Variants in CSMD1 observed in about 807,000 individuals in gnomAD.
CSMD1 encodes CUB and Sushi multiple domains 1.
Under a neutral mutation model 417.5 loss-of-function variants are expected in CSMD1, and 213 were observed. That is an observed-to-expected ratio of 0.51 (90% confidence interval 0.46 to 0.57). CSMD1 has a LOEUF of 0.57. CSMD1 is among the 20% of genes least tolerant of loss of function. CSMD1 has a pLI of 0.00. For missense variants in CSMD1, 6,923 were observed against 4,529.7 expected (o/e 1.53, Z -15.17); for synonymous variants, 2,862 against 1,736.8 (o/e 1.65, Z -16.11).
At chr8:4,740,583 G>C (rs1219441244) in intron 1 of CSMD1, among the ~76,000 whole-genome samples, 1 of 152,150 alleles carries the variant, frequency 6.6e-6, no homozygotes, top group African/African-American at 2.4e-5. Context: ...TATGGTCTCA[G>C]ATAGCGTAAC....
chr8:3,355,230 G>C (rs868284134), intron 21 of CSMD1, among the ~76,000 whole-genome samples: 22 of 151,670 alleles, frequency 1.5e-4, no homozygotes, highest in African/African-American at 5.3e-4. Context: ...ACGGATTTAA[G>C]GCTTATGCTG....
chr8:4,223,521 C>A (rs1258477476), intron 3 of CSMD1, among the ~76,000 whole-genome samples: 1 of 152,194 alleles, frequency 6.6e-6, no homozygotes, highest in East Asian at 1.9e-4. Context: ...TCTACCACAC[C>A]ACTGCTCGTT....
At chr8:3,380,178 A>T (rs1810548349) in intron 18 of CSMD1, among the ~76,000 whole-genome samples, 1 of 152,324 alleles carries the variant, frequency 6.6e-6, no homozygotes, top group Non-Finnish European at 1.5e-5. Flanking sequence ...GCACATCGAA[A>T]CCACAGTGAG....
intron 26 of CSMD1, among the ~76,000 whole-genome samples, chr8:3,245,783 T>G (rs139478913): frequency 1.3e-5 from 2 of 152,334 alleles, no homozygotes; most frequent in Non-Finnish European, 2.9e-5. Flanking sequence ...AAGGGTTGTG[T>G]TAAGCCCTCT....
At chr8:4,220,769 G>A (rs909115113) in intron 3 of CSMD1, among the ~76,000 whole-genome samples, 36 of 152,162 alleles carry the variant, frequency 2.4e-4, no homozygotes, top group African/African-American at 8.7e-4. Context: ...GAGAATATGG[G>A]GCCACCCAAG....
At chr8:4,244,994 C>G (rs757998536) in intron 3 of CSMD1, among the ~76,000 whole-genome samples, 19 of 152,110 alleles carry the variant, frequency 1.2e-4, no homozygotes, top group Admixed American at 3.3e-4. Flanking sequence ...AGTAAATCGA[C>G]AAACATCAAA....
intron 41 of CSMD1, among the ~76,000 whole-genome samples, chr8:3,125,805 T>C (rs1199445333): frequency 6.6e-6 from 1 of 152,124 alleles, no homozygotes; most frequent in Non-Finnish European, 1.5e-5. Flanking sequence ...GGTGAAATCC[T>C]ATCTCTACTA....
chr8:4,611,476 T>C (rs1801165971), intron 2 of CSMD1, among the ~76,000 whole-genome samples: 1 of 152,174 alleles, frequency 6.6e-6, no homozygotes, highest in South Asian at 2.1e-4. Context: ...TGTATAGTTT[T>C]CTTCAAATTG....
At chr8:3,446,706 G>C (rs1433163493) in intron 12 of CSMD1, among the ~76,000 whole-genome samples, 1 of 152,192 alleles carries the variant, frequency 6.6e-6, no homozygotes, top group African/African-American at 2.4e-5. Context: ...TGCCATTCTT[G>C]AAAACTATTT....
intron 47 of CSMD1, among the ~76,000 whole-genome samples, chr8:3,094,638 C>T (rs17318215): frequency 0.28 from 42,519 of 151,914 alleles, 5,952 homozygotes; most frequent in South Asian, 0.38. Flanking sequence ...GTCTTCTCAA[C>T]TGAGTTTCAT....
intron 12 of CSMD1, among the ~76,000 whole-genome samples, chr8:3,420,156 T>A (rs1813396870): frequency 6.6e-6 from 1 of 152,122 alleles, no homozygotes; most frequent in African/African-American, 2.4e-5. Context: ...CCAAGCTAAG[T>A]CCTCAAAATT....
rs181244061 is a variant in CSMD1 at position 4,850,913 on chromosome 8, C to A, written c.85+143419G>T. 1.3e-4 allele frequency among the ~76,000 whole-genome samples: 19 copies of A among 145,982 alleles called. No individual in the cohort carries two copies. The East Asian group carries it at 2.8e-3, about 21-fold the overall frequency. Reference sequence around the variant, plus strand: ...TTGAAGATTGTTTCCCTTGCCCCCCCACTTTTTGTGGTTATTTTTTTATCC... The same window carrying A: ...TTGAAGATTGTTTCCCTTGCCCCCCAACTTTTTGTGGTTATTTTTTTATCC... On this transcript the variant is annotated intron_variant, in intron 1 of 69. Coordinates refer to ENST00000635120, the MANE Select transcript of CSMD1 (RefSeq NM_033225.6).
chr8:4,008,863 G>A (rs1816338435), intron 4 of CSMD1, among the ~76,000 whole-genome samples: 1 of 151,836 alleles, frequency 6.6e-6, no homozygotes, highest in South Asian at 2.1e-4. Flanking sequence ...GTCCGCCTCG[G>A]CCTCCCAAAG....
intron 26 of CSMD1, among the ~76,000 whole-genome samples, chr8:3,263,910 A>G (rs1007993777): frequency 6.6e-6 from 1 of 152,230 alleles, no homozygotes; most frequent in African/African-American, 2.4e-5. Flanking sequence ...TATTTTAAAA[A>G]CACTTTTTAC....
chr8:2,938,010 G>A lies in CSMD1; in HGVS notation c.*575C>T, dbSNP rs980904878. Reference sequence around the variant, plus strand: ...AAACATCCCTAGAGATGAACACACAGGGGAGCTGTGAGGTCCTCAAAGCTT... The same window carrying A: ...AAACATCCCTAGAGATGAACACACAAGGGAGCTGTGAGGTCCTCAAAGCTT... On this transcript the variant is annotated 3_prime_UTR_variant, in exon 70 of 70. Transcript: ENST00000635120. The A allele has an allele frequency of 6.6e-6, 1 of 152,662 alleles. No homozygotes were observed. Among genetic ancestry groups the A allele is most frequent in the Non-Finnish European group, 1.5e-5 (1 of 68,084 alleles). The allele number at this position is 152,662 out of a possible 1,614,324, so 9.5% of individuals were successfully genotyped here.
rs370567944 is a variant in CSMD1 at position 3,334,598 on chromosome 8, C to G, written c.3631+8696G>C. On this transcript the variant is annotated intron_variant, in intron 23 of 69. Coordinates refer to ENST00000635120, the MANE Select transcript of CSMD1 (RefSeq NM_033225.6). Reference sequence around the variant, plus strand: ...ATGCTTTAATTTTCGCATCCACAGGCTACGTTGTAATGTCTTCAGAATTAG... The same window carrying G: ...ATGCTTTAATTTTCGCATCCACAGGGTACGTTGTAATGTCTTCAGAATTAG... 5.4e-4 allele frequency among the ~76,000 whole-genome samples: 83 copies of G among 152,348 alleles called. No individual in the cohort carries two copies. The South Asian group carries it at 0.01, about 19-fold the overall frequency.
rs368534632 is a variant in CSMD1, at chr8:4,332,552, TACACACACACACACACACACACACACAC to T, written c.415+87373_415+87400del. 5.7e-4 allele frequency among the ~76,000 whole-genome samples: 73 copies of T among 128,814 alleles called. 2 individuals carry two copies. The South Asian group carries it at 8.6e-3, about 15-fold the overall frequency. The allele number at this position is 128,814 out of a possible 152,430, so 84.5% of individuals were successfully genotyped here. On this transcript the variant is annotated intron_variant, in intron 3 of 69. Transcript: ENST00000635120. ...AATACCCTTCTGTCATGATATCACATACACACACACACACACACACACACACACACACACACACACACACACACACACA... is the reference window on the plus strand; with the variant it reads ...AATACCCTTCTGTCATGATATCACATACACACACACACACACACACACACA...
intron 8 of CSMD1, among the ~76,000 whole-genome samples, chr8:3,587,924 T>A (rs572373503): frequency 2.0e-5 from 3 of 152,262 alleles, no homozygotes; most frequent in East Asian, 3.9e-4. Flanking sequence ...ATGTACTAAT[T>A]TGAAATGTGA....
chr8:4,464,402 C>T (rs1800028380), intron 2 of CSMD1, among the ~76,000 whole-genome samples: 1 of 152,206 alleles, frequency 6.6e-6, no homozygotes, highest in African/African-American at 2.4e-5. Flanking sequence ...ACCTGCAAAA[C>T]ATTGTAGCTT....
Sources: allele counts gnomAD v4.1 joint callset (sites outside exome capture counted in the v4.1 genomes callset), GRCh38; gene constraint gnomAD v4.1.1; transcripts MANE v1.5; gene names NCBI Gene and HGNC (gene_info 2026-07-23, HGNC 2026-07-21).